Variants in SEC14L1 observed in about 807,000 individuals in gnomAD.
The protein encoded by SEC14L1 is SEC14 like lipid binding 1.
Under a neutral mutation model 85.3 loss-of-function variants are expected in SEC14L1, and 48 were observed. The ratio of observed to expected loss-of-function variants is 0.56; its 90% CI spans 0.45 to 0.72. The LOEUF is 0.72. Ranked by LOEUF, SEC14L1 falls within the 30% of genes least tolerant of loss-of-function variation. The probability of loss-of-function intolerance (pLI) is 0.00; values close to 1 mark genes in which losing one functional copy is unlikely to be tolerated. For synonymous variants in SEC14L1, 391 were observed against 355.5 expected (o/e 1.10, Z -1.12); for missense variants, 682 against 921.4 (o/e 0.74, Z 3.36).
At chr17:77,122,207 A>C (rs1387201993) in intron 3 of SEC14L1, among the ~76,000 whole-genome samples, 1 of 152,192 alleles carries the variant, frequency 6.6e-6, no homozygotes, top group East Asian at 1.9e-4. Flanking sequence ...AGTGACACCA[A>C]ATCAGTTGTT....
At chr17:77,146,705 A>G (rs1013736505) in intron 3 of SEC14L1, among the ~76,000 whole-genome samples, 2 of 152,144 alleles carry the variant, frequency 1.3e-5, no homozygotes, top group East Asian at 1.9e-4. Context: ...TAGAAAAACA[A>G]ACAAACAAAC....
rs1000386741 is a variant in SEC14L1 at position 77,202,943 on chromosome 17, A to T, written c.1010-627A>T. Among the ~76,000 whole-genome samples the T allele has an allele frequency of 3.3e-5, 5 of 151,636 alleles. No individual in the cohort carries two copies. In the East Asian group the frequency reaches 5.8e-4, roughly 18 times the overall value. On this transcript the variant is annotated intron_variant, in intron 9 of 16. Transcript: ENST00000436233. ...CTAAAAAAAATAAAAAAATAAAAAA[A>T]AAAAAAAAACAGAGTAGAGCCAACA...
At position 77,194,752 on chromosome 17, in the gene SEC14L1, C is replaced by G; in HGVS notation, c.550C>G (p.Pro184Ala). 6.2e-7 allele frequency: 1 copy of G among 1,614,212 alleles called. No homozygotes were observed. The highest frequency in any genetic ancestry group is 8.5e-7 in the Non-Finnish European group (1 of 1,180,016). ...GITFVPRWSPPSITTSSETSS... is the reference protein window; with the variant it reads ...GITFVPRWSPASITTSSETSS... ...AACCTTTGTGCCCCGTTGGAGTCCG[C>G]CTTCCATCACGACCTCTTCAGAGAC... The change falls in exon 7 of 17, where the codon CCT (proline) becomes GCT (alanine). Residue 184 changes from proline to alanine, a missense_variant. Transcript: ENST00000436233.
intron 3 of SEC14L1, among the ~76,000 whole-genome samples, chr17:77,167,435 AGTTTTCTTATACCATGAGCACAATAG>A (rs1974335472): frequency 6.6e-6 from 1 of 152,162 alleles, no homozygotes; most frequent in South Asian, 2.1e-4. Flanking sequence ...GCGCCTGGCC[AGTTTTCTTATACCATGAGCACAATAG>A]GTTTTTACCT....
intron 3 of SEC14L1, among the ~76,000 whole-genome samples, chr17:77,158,868 G>A (rs1384684204): frequency 1.2e-4 from 15 of 127,486 alleles, no homozygotes; most frequent in Admixed American, 1.9e-4. Context: ...CTGGAGTGCA[G>A]TGGCACGATC....
chr17:77,123,646 C>T (rs937535510), intron 3 of SEC14L1, among the ~76,000 whole-genome samples: 5 of 151,792 alleles, frequency 3.3e-5, no homozygotes, highest in African/African-American at 7.3e-5. Flanking sequence ...CTCCTGGGCT[C>T]AAGCGATCTG....
chr17:77,189,468 G>A (rs1055263547), intron 3 of SEC14L1, among the ~76,000 whole-genome samples: 1 of 152,176 alleles, frequency 6.6e-6, no homozygotes, highest in African/African-American at 2.4e-5. Context: ...TGGGCCTGGT[G>A]CAGGAGCTCA....
intron 3 of SEC14L1, among the ~76,000 whole-genome samples, chr17:77,148,452 C>T (rs867130181): frequency 1.3e-5 from 2 of 152,166 alleles, no homozygotes; most frequent in African/African-American, 2.4e-5. Flanking sequence ...TGTCCAGTGC[C>T]GTTTCTGTCT....
chr17:77,130,566 A>G (rs1252571858), intron 3 of SEC14L1, among the ~76,000 whole-genome samples: 2 of 151,806 alleles, frequency 1.3e-5, no homozygotes, highest in Non-Finnish European at 2.9e-5. Flanking sequence ...CAAGTGATTC[A>G]CCTGCCTCGA....
chr17:77,131,048 A>G (rs1972595892), intron 3 of SEC14L1, among the ~76,000 whole-genome samples: 1 of 152,220 alleles, frequency 6.6e-6, no homozygotes, highest in African/African-American at 2.4e-5. Context: ...ACAGTTCAAC[A>G]GAAGACACAG....
Position 77,200,998 on chromosome 17 carries a change from G to A in SEC14L1, c.1009+325G>A, listed in dbSNP as rs555759203. ...TAAAAAGACAGCAGTGCCTCTGGCAGAGTATTTTCAGTAGTGCAGTGTTAA... is the reference window on the plus strand; with the variant it reads ...TAAAAAGACAGCAGTGCCTCTGGCAAAGTATTTTCAGTAGTGCAGTGTTAA... On this transcript the variant is annotated intron_variant, in intron 9 of 16. Transcript: ENST00000436233. Among the ~76,000 whole-genome samples, 19 of 152,354 alleles carry A rather than the reference G, an allele frequency of 1.2e-4. No individual in the cohort carries two copies. In the South Asian group the frequency reaches 3.9e-3, roughly 32 times the overall value.
intron 3 of SEC14L1, among the ~76,000 whole-genome samples, chr17:77,135,965 C>G (rs1182997551): frequency 1.3e-5 from 2 of 151,520 alleles, no homozygotes; most frequent in Admixed American, 1.3e-4. Context: ...CTCCATCTCC[C>G]GGGTTCATGC....
chr17:77,139,578 A>C (rs550260093), upstream of SEC14L1, among the ~76,000 whole-genome samples: 1 of 148,616 alleles, frequency 6.7e-6, no homozygotes, highest in East Asian at 2.0e-4. Context: ...GCTCACTGCA[A>C]GCTCTGCCTC....
chr17:77,172,941 C>T (rs1346533274), intron 3 of SEC14L1, among the ~76,000 whole-genome samples: 3 of 152,168 alleles, frequency 2.0e-5, no homozygotes, highest in Admixed American at 6.5e-5. Context: ...GCTGCTGGGA[C>T]GTTCTGACCT....
Position 77,171,656 on chromosome 17 carries a change from T to A in SEC14L1, c.64-19147T>A, listed in dbSNP as rs183789960. On this transcript the variant is annotated intron_variant, in intron 3 of 16. Transcript: ENST00000436233. ...GACCACTCCAAAAGCATACTTGGAG[T>A]CTGTATAAATAGTTCCTTCCTGGTT... Among the ~76,000 whole-genome samples, 103 of 152,264 alleles carry A rather than the reference T, an allele frequency of 6.8e-4. 1 individual carries two copies. The highest frequency in any genetic ancestry group is 3.4e-3 in the Middle Eastern group (1 of 294).
intron 3 of SEC14L1, among the ~76,000 whole-genome samples, chr17:77,170,590 G>A (rs1450324204): frequency 6.6e-6 from 1 of 152,194 alleles, no homozygotes; most frequent in Non-Finnish European, 1.5e-5. Flanking sequence ...CAGTATTAGA[G>A]TTTAAGTAAG....
intron 4 of SEC14L1, 109 bp from the exon 5 acceptor site, chr17:77,191,072 A>AGAGGGCGTCCTGGAGGGC (rs1975509415): frequency 6.6e-7 from 1 of 1,514,468 alleles, no homozygotes. Context: ...TCCTGGAGGG[A>AGAGGGCGTCCTGGAGGGC]GAGGGCGTCC....
intron 3 of SEC14L1, among the ~76,000 whole-genome samples, chr17:77,152,832 G>A (rs190933500): frequency 1.1e-4 from 16 of 152,214 alleles, no homozygotes; most frequent in Non-Finnish European, 2.1e-4. Flanking sequence ...TTCAAATAAA[G>A]CCATTTGTAT....
Position 77,216,553 on chromosome 17 carries a change from C to T in SEC14L1, c.*2530C>T, listed in dbSNP as rs759881429. The T allele has an allele frequency of 2.8e-5, 45 of 1,613,166 alleles. No homozygotes were observed. The highest frequency in any genetic ancestry group is 1.0e-4 in the Admixed American group (6 of 59,958). On this transcript the variant is annotated 3_prime_UTR_variant, in exon 17 of 17. Coordinates refer to ENST00000436233, the MANE Select transcript of SEC14L1 (RefSeq NM_001143998.2). ...TTCTCTTTCTCTGTGTCTCAGATGGCGATTTTGCTGACAGCTGCCAAGAAA... is the reference window on the plus strand; with the variant it reads ...TTCTCTTTCTCTGTGTCTCAGATGGTGATTTTGCTGACAGCTGCCAAGAAA...
Sources: gnomAD v4.1 joint callset for allele counts (sites outside exome capture counted in the v4.1 genomes callset) on GRCh38, gnomAD v4.1.1 for gene constraint, MANE v1.5 for transcripts, NCBI Gene and HGNC (gene_info 2026-07-23, HGNC 2026-07-21) for gene names.